Variants in SNRNP48 observed in about 807,000 individuals in gnomAD.
The protein encoded by SNRNP48 is small nuclear ribonucleoprotein U11/U12 subunit 48, also known as U11/U12 small nuclear ribonucleoprotein 48 kDa protein.
Under a neutral mutation model 47.0 loss-of-function variants are expected in SNRNP48, and 43 were observed. The ratio of observed to expected loss-of-function variants is 0.92; its 90% CI spans 0.72 to 1.18. The LOEUF (loss-of-function observed/expected upper bound fraction) is 1.18. SNRNP48 is among the 50% of genes most tolerant of loss of function. The probability of loss-of-function intolerance (pLI) is 0.00; values close to 1 mark genes in which losing one functional copy is unlikely to be tolerated. For missense variants in SNRNP48, 396 were observed against 422.2 expected, an observed-to-expected ratio of 0.94 and a Z score of 0.54; for synonymous variants, 138 against 144.0, an observed-to-expected ratio of 0.96 and a Z score of 0.30.
chr6:7,601,405 C>T lies in SNRNP48; in HGVS notation c.476C>T (p.Ala159Val). Residue 159 changes from alanine (A) to valine (V), a missense_variant, in exon 5 of 9, where the codon GCT becomes GTT. Physicochemically the swap from Ala to Val is moderately conservative, Grantham distance 64 (BLOSUM62 0). Transcript: ENST00000342415. ...CGGTTTGTTTGTGATCTAACTCAAG[C>T]TGATCGTCTTGCCCTCTATGATTTC... ...HKRFVCDLTQ[A>V]DRLALYDFVV... 1 of 1,600,206 alleles carries T rather than the reference C, an allele frequency of 6.2e-7. No individual in the cohort carries two copies. The highest frequency in any genetic ancestry group is 8.5e-7 in the Non-Finnish European group (1 of 1,177,134).
Position 7,609,618 on chromosome 6 carries a change from A to G in SNRNP48, c.*745A>G, listed in dbSNP as rs1238587928. 1 of 152,200 alleles carries G rather than the reference A, an allele frequency of 6.6e-6. No homozygotes were observed. The highest frequency in any genetic ancestry group is 6.5e-5 in the Admixed American group (1 of 15,278). The allele number at this position is 152,200 out of a possible 1,614,324, so 9.4% of individuals were successfully genotyped here. A position where few individuals can be genotyped will look rare whatever the true frequency, so the allele number is the denominator to read the frequency against. ...ACAGCGAGTAGGAGGTATAGATGAG[A>G]GATTAGGGGTGCAAATCAGGATTGG... On this transcript the variant is annotated 3_prime_UTR_variant, in exon 9 of 9. Transcript: ENST00000342415.
chr6:7,599,680 G>T, intron 4 of SNRNP48: 1 of 1,280,390 alleles, frequency 7.8e-7, no homozygotes, highest in African/African-American at 1.5e-5. Context: ...CAGTAATTGG[G>T]GTGAGTATAA....
intron 8 of SNRNP48, among the ~76,000 whole-genome samples, 154 bp from the exon 9 acceptor site, chr6:7,608,665 TTGAGTA>T (rs1760177009): frequency 1.3e-5 from 2 of 152,152 alleles, no homozygotes; most frequent in Admixed American, 1.3e-4. Flanking sequence ...AAAATTAACT[TTGAGTA>T]TATGTAAATG....
chr6:7,609,882 G>A lies in SNRNP48; in HGVS notation c.*1009G>A, dbSNP rs1268775813. Reference sequence around the variant, plus strand: ...CGATCAAGATACAAATATTTTCATTGCCCCCAAAATTCTCATACCCCCTTT... The same window carrying A: ...CGATCAAGATACAAATATTTTCATTACCCCCAAAATTCTCATACCCCCTTT... On this transcript the variant is annotated 3_prime_UTR_variant, in exon 9 of 9. Coordinates refer to ENST00000342415, the MANE Select transcript of SNRNP48 (RefSeq NM_152551.4). 1 of 150,598 alleles carries A rather than the reference G, an allele frequency of 6.6e-6. No homozygotes were observed. Among genetic ancestry groups the A allele is most frequent in the Non-Finnish European group, 1.5e-5 (1 of 67,756 alleles). The allele number at this position is 150,598 out of a possible 1,614,324, so 9.3% of individuals were successfully genotyped here.
chr6:7,608,785 C>T (rs755074160), intron 8 of SNRNP48, 40 bp from the exon 9 acceptor site: 2 of 1,216,742 alleles, frequency 1.6e-6, no homozygotes, highest in African/African-American at 1.6e-5. Context: ...TTAAAATGTC[C>T]ATCATTTATA....
chr6:7,594,039 T>C, intron 2 of SNRNP48, 60 bp from the exon 3 acceptor site: 1 of 1,116,098 alleles, frequency 9.0e-7, no homozygotes, highest in Non-Finnish European at 1.3e-6. Flanking sequence ...ATTGTTTAGG[T>C]CAAGTCTTAA....
intron 8 of SNRNP48, among the ~76,000 whole-genome samples, chr6:7,606,904 C>T (rs1216816003): frequency 6.6e-6 from 1 of 152,252 alleles, no homozygotes; most frequent in Non-Finnish European, 1.5e-5. Flanking sequence ...CACTCCTTAT[C>T]ATCTGGTCAG....
intron 8 of SNRNP48, 98 bp from the exon 9 acceptor site, chr6:7,608,727 A>T: frequency 1.9e-6 from 1 of 536,964 alleles, no homozygotes; most frequent in Non-Finnish European, 3.1e-6. Context: ...GTAGCATATT[A>T]CTGTTGAAAG....
chr6:7,599,356 G>T (rs1759969909), intron 4 of SNRNP48, among the ~76,000 whole-genome samples: 1 of 152,124 alleles, frequency 6.6e-6, no homozygotes, highest in African/African-American at 2.4e-5. Context: ...GATAGAGGTT[G>T]CACAACGTGA....
intron 1 of SNRNP48, among the ~76,000 whole-genome samples, chr6:7,592,901 T>C (rs922640015): frequency 6.6e-6 from 1 of 152,058 alleles, no homozygotes; most frequent in Non-Finnish European, 1.5e-5. Context: ...AGGTGATTGA[T>C]TGGACGTGGG....
At position 7,609,995 on chromosome 6, in the gene SNRNP48, A is replaced by C. The variant is rs1343917540; in HGVS notation, c.*1122A>C. ...GATCTATCCATTGTAGAATTCATGT[A>C]AATAGAATACTGTAGTATGTACTTT... On this transcript the variant is annotated 3_prime_UTR_variant, in exon 9 of 9. Coordinates refer to ENST00000342415, the MANE Select transcript of SNRNP48 (RefSeq NM_152551.4). 2 of 152,196 alleles carry C rather than the reference A, an allele frequency of 1.3e-5. No homozygotes were observed. Among genetic ancestry groups the C allele is most frequent in the African/African-American group, 4.8e-5 (2 of 41,442 alleles). 9.4% of individuals were successfully genotyped at this position (152,196 alleles called of 1,614,324 possible).
intron 1 of SNRNP48, among the ~76,000 whole-genome samples, chr6:7,592,767 T>C (rs567286949): frequency 6.6e-6 from 1 of 152,126 alleles, no homozygotes; most frequent in Admixed American, 6.5e-5. Context: ...CGAGCGAGCG[T>C]AGTCAGGAGA....
rs568767994 is a variant in SNRNP48 at position 7,594,163 on chromosome 6, A to G, written c.331+4A>G. The G allele has an allele frequency of 2.3e-6, 3 of 1,286,816 alleles. No individual in the cohort carries two copies. Among genetic ancestry groups the G allele is most frequent in the Non-Finnish European group, 3.2e-6 (3 of 937,634 alleles). The allele number at this position is 1,286,816 out of a possible 1,614,324, so 79.7% of individuals were successfully genotyped here. The stretch of plus-strand genomic sequence containing the variant: ...AAGATACCTTCGATTACTTTGAGTA[A>G]GTATTAAGTTATTATAATTTAAAAA... On this transcript the variant is annotated splice_donor_region_variant and intron_variant, in intron 3 of 8. Transcript: ENST00000342415.
intron 8 of SNRNP48, among the ~76,000 whole-genome samples, chr6:7,607,734 TCTTA>T (rs1760158610): frequency 6.6e-6 from 1 of 152,232 alleles, no homozygotes; most frequent in Non-Finnish European, 1.5e-5. Context: ...AAGGTCTGTA[TCTTA>T]CTTAGTTTTA....
chr6:7,594,305 C>T, intron 3 of SNRNP48, 146 bp downstream of exon 3: 1 of 430,894 alleles, frequency 2.3e-6, no homozygotes, highest in African/African-American at 2.1e-5. Flanking sequence ...AATTAATGTA[C>T]AAGGCAACTA....
intron 4 of SNRNP48, among the ~76,000 whole-genome samples, chr6:7,595,387 T>A (rs535858489): frequency 1.1e-4 from 11 of 101,192 alleles, no homozygotes; most frequent in Admixed American, 8.5e-4. Flanking sequence ...ATTAAAAAAA[T>A]TATTATTTAG....
At position 7,602,863 on chromosome 6, in the gene SNRNP48, C is replaced by G. The variant is rs943436717; in HGVS notation, c.717+119C>G. 21 of 836,330 alleles carry G rather than the reference C, an allele frequency of 2.5e-5. No individual in the cohort carries two copies. The African/African-American group carries it at 2.6e-4, about 10-fold the overall frequency. 51.8% of individuals were successfully genotyped at this position (836,330 alleles called of 1,614,324 possible). ...GAAAGTGTCTTCAGGGTGGCCACACCTGATTTGTATCTGTTCCATCACTTC... is the reference window on the plus strand; with the variant it reads ...GAAAGTGTCTTCAGGGTGGCCACACGTGATTTGTATCTGTTCCATCACTTC... On this transcript the variant is annotated intron_variant, in intron 6 of 8. Transcript: ENST00000342415.
intron 1 of SNRNP48, among the ~76,000 whole-genome samples, chr6:7,590,888 G>A (rs1432456666): frequency 1.3e-5 from 2 of 152,192 alleles, no homozygotes; most frequent in Non-Finnish European, 2.9e-5. Flanking sequence ...TGGGGTGGAA[G>A]GATAGCTTGA....
chr6:7,592,095 G>A (rs1041717811), intron 1 of SNRNP48, among the ~76,000 whole-genome samples: 5 of 152,204 alleles, frequency 3.3e-5, no homozygotes, highest in African/African-American at 1.2e-4. Flanking sequence ...TTTATTGTAG[G>A]CGGTGGTGGA....
Sources: allele counts gnomAD v4.1 joint callset (sites outside exome capture counted in the v4.1 genomes callset), GRCh38; gene constraint gnomAD v4.1.1; transcripts MANE v1.5; gene names NCBI Gene and HGNC (gene_info 2026-07-23, HGNC 2026-07-21).